Variants in SLC1A2 observed in about 807,000 individuals in gnomAD.
The protein encoded by SLC1A2 is excitatory amino acid transporter 2.
SLC1A2 carries 15 observed loss-of-function variants against 48.8 expected under a neutral mutation model. The ratio of observed to expected loss-of-function variants is 0.31; its 90% CI spans 0.21 to 0.47. SLC1A2 has a LOEUF of 0.47. SLC1A2 is among the 20% of genes least tolerant of loss of function. SLC1A2 has a pLI of 0.99. For missense variants in SLC1A2, 502 were observed against 730.5 expected, an observed-to-expected ratio of 0.69 and a Z score of 3.61; for synonymous variants, 279 against 272.6, an observed-to-expected ratio of 1.02 and a Z score of -0.23.
intron 1 of SLC1A2, among the ~76,000 whole-genome samples, chr11:35,347,071 G>T (rs962917393): frequency 1.3e-5 from 2 of 152,190 alleles, no homozygotes; most frequent in Non-Finnish European, 2.9e-5. Flanking sequence ...TAAAAAGCTA[G>T]AAAAAGCTGA....
At chr11:35,349,476 T>C (rs1590215843) in intron 1 of SLC1A2, among the ~76,000 whole-genome samples, 1 of 152,078 alleles carries the variant, frequency 6.6e-6, no homozygotes, top group East Asian at 1.9e-4. Context: ...ATGAACCCTG[T>C]GGTACTGTCT....
intron 9 of SLC1A2, among the ~76,000 whole-genome samples, chr11:35,269,670 G>A (rs920514276): frequency 2.6e-5 from 4 of 152,126 alleles, no homozygotes; most frequent in African/African-American, 9.7e-5. Context: ...TTTGGAATAG[G>A]ATTTCTGAGT....
At chr11:35,334,814 ATTTTGTTTTGTTTTGTTTTG>A (rs10611656) in intron 1 of SLC1A2, among the ~76,000 whole-genome samples, 16,794 of 147,036 alleles carry the variant, frequency 0.11, 1,780 homozygotes, top group African/African-American at 0.28. Flanking sequence ...CTGGAGAGCA[ATTTTGTTTTGTTTTGTTTTG>A]TTTTGTTTTG....
At position 35,322,144 on chromosome 11, in the gene SLC1A2, C is replaced by A. The variant is rs1347183086; in HGVS notation, c.18-4628G>T. On this transcript the variant is annotated intron_variant, in intron 1 of 10. Coordinates refer to ENST00000278379, the MANE Select transcript of SLC1A2 (RefSeq NM_004171.4). ...TAATTTCCTTCAGCCTTAGCCTCTC[C>A]ATTGAATTATTTAAACAGCTGTTAA... Among the ~76,000 whole-genome samples the A allele has an allele frequency of 3.9e-5, 6 of 152,118 alleles. No homozygotes were observed. In the East Asian group the frequency reaches 7.7e-4, roughly 20 times the overall value.
At chr11:35,401,186 T>A (rs753100587) in intron 1 of SLC1A2, among the ~76,000 whole-genome samples, 2 of 152,180 alleles carry the variant, frequency 1.3e-5, no homozygotes, top group Non-Finnish European at 2.9e-5. Flanking sequence ...TCAGAGAGAA[T>A]GGACTGTAAG....
At chr11:35,389,452 C>CCTTCTCCTTTTT (rs141467812) in intron 1 of SLC1A2, among the ~76,000 whole-genome samples, 1 of 150,430 alleles carries the variant, frequency 6.6e-6, no homozygotes, top group Non-Finnish European at 1.5e-5. Flanking sequence ...TTCTCCTTCT[C>CCTTCTCCTTTTT]CTTCTTCTTC....
chr11:35,343,606 T>C (rs1852920450), intron 1 of SLC1A2, among the ~76,000 whole-genome samples: 1 of 152,174 alleles, frequency 6.6e-6, no homozygotes, highest in Non-Finnish European at 1.5e-5. Context: ...CTTGAATTCC[T>C]TCTGGCTCTG....
At chr11:35,420,070 A>G (rs1285619083), upstream of SLC1A2, 1 of 323,548 alleles carries the variant, frequency 3.1e-6, no homozygotes, top group African/African-American at 2.2e-5. Context: ...GCCTTCAATT[A>G]TTCAGCGAGA....
intron 1 of SLC1A2, among the ~76,000 whole-genome samples, chr11:35,326,265 C>CCT (rs543742097): frequency 1.3e-3 from 194 of 152,302 alleles, no homozygotes; most frequent in Non-Finnish European, 2.9e-4. Context: ...TAAATTGGAC[C>CCT]CTCCAAAATG....
chr11:35,335,335 C>A (rs1417845778), intron 1 of SLC1A2, among the ~76,000 whole-genome samples: 1 of 152,204 alleles, frequency 6.6e-6, no homozygotes, highest in African/African-American at 2.4e-5. Flanking sequence ...AAGATATTGG[C>A]CATATAGGCA....
intron 5 of SLC1A2, among the ~76,000 whole-genome samples, chr11:35,302,003 G>A (rs988299321): frequency 1.3e-5 from 2 of 152,208 alleles, no homozygotes; most frequent in African/African-American, 4.8e-5. Flanking sequence ...GGAAAAGCCT[G>A]TTGGGACTTG....
At chr11:35,347,874 C>G (rs1046253735) in intron 1 of SLC1A2, among the ~76,000 whole-genome samples, 1 of 152,180 alleles carries the variant, frequency 6.6e-6, no homozygotes, top group African/African-American at 2.4e-5. Context: ...CACTCAGCCA[C>G]AAATGTTTGT....
At chr11:35,355,889 CAAAAA>C (rs34058137) in intron 1 of SLC1A2, among the ~76,000 whole-genome samples, 1 of 117,046 alleles carries the variant, frequency 8.5e-6, no homozygotes, top group Non-Finnish European at 1.8e-5. Context: ...CATCTCATCT[CAAAAA>C]AAAAAAAAAA....
At chr11:35,294,627 C>T (rs1388868852) in intron 6 of SLC1A2, among the ~76,000 whole-genome samples, 1 of 152,160 alleles carries the variant, frequency 6.6e-6, no homozygotes, top group African/African-American at 2.4e-5. Flanking sequence ...CAGAAAAATA[C>T]AAATATAAGC....
intron 1 of SLC1A2, among the ~76,000 whole-genome samples, chr11:35,378,494 A>G (rs1246588726): frequency 6.6e-6 from 1 of 152,246 alleles, no homozygotes; most frequent in East Asian, 1.9e-4. Flanking sequence ...TTTATCTCTG[A>G]AAGCGCTCAC....
chr11:35,285,593 A>G (rs1209820019), intron 8 of SLC1A2: 2 of 152,234 alleles, frequency 1.3e-5, no homozygotes, highest in African/African-American at 4.8e-5. Flanking sequence ...GAGGGGAAAT[A>G]AAACTTATAA....
At chr11:35,275,027 G>A (rs569577398) in intron 9 of SLC1A2, among the ~76,000 whole-genome samples, 8 of 152,314 alleles carry the variant, frequency 5.3e-5, no homozygotes, top group Non-Finnish European at 1.0e-4. Context: ...CCTGGAGATT[G>A]CATCATCAGA....
intron 1 of SLC1A2, among the ~76,000 whole-genome samples, chr11:35,375,950 G>A (rs1029185647): frequency 1.3e-5 from 2 of 152,172 alleles, no homozygotes; most frequent in Non-Finnish European, 2.9e-5. Context: ...CACACAGCAG[G>A]TAAGTCACAG....
At chr11:35,327,519 C>T (rs567208153) in intron 1 of SLC1A2, among the ~76,000 whole-genome samples, 26 of 152,288 alleles carry the variant, frequency 1.7e-4, no homozygotes, top group African/African-American at 6.3e-4. Context: ...CTTCATCTTC[C>T]TTCTACTCTT....
Sources: allele counts gnomAD v4.1 joint callset (sites outside exome capture counted in the v4.1 genomes callset), GRCh38; gene constraint gnomAD v4.1.1; transcripts MANE v1.5; gene names NCBI Gene and HGNC (gene_info 2026-07-23, HGNC 2026-07-21).